The following SLC1A7 variants were observed in gnomAD, a reference collection of about 807,000 sequenced individuals.
SLC1A7 encodes the protein excitatory amino acid transporter 5.
Under a neutral mutation model 47.7 loss-of-function variants are expected in SLC1A7, and 40 were observed. The observed-to-expected ratio is 0.84, with a 90% CI of 0.65 to 1.09. The LOEUF (loss-of-function observed/expected upper bound fraction) is 1.09, where lower values mean the gene tolerates loss of function less well. Ranked by LOEUF, SLC1A7 falls within the 50% of genes least tolerant of loss-of-function variation. The probability of loss-of-function intolerance (pLI) is 0.00; values close to 1 mark genes in which losing one functional copy is unlikely to be tolerated. For missense variants in SLC1A7, 746 were observed against 769.5 expected (o/e 0.97, Z 0.36); for synonymous variants, 323 against 325.6 (o/e 0.99, Z 0.09).
intron 5 of SLC1A7, among the ~76,000 whole-genome samples, chr1:53,096,980 C>T (rs1285224093): frequency 6.7e-6 from 1 of 148,638 alleles, no homozygotes; most frequent in Non-Finnish European, 1.5e-5. Context: ...ACTCACACAC[C>T]CCGCCTCAGT....
chr1:53,109,798 G>C (rs575500095), intron 3 of SLC1A7, among the ~76,000 whole-genome samples: 1 of 152,182 alleles, frequency 6.6e-6, no homozygotes, highest in African/African-American at 2.4e-5. Flanking sequence ...TTGTCCGTCT[G>C]TCCTAAGATG....
In SLC1A7 at chr1:53,114,762, T is replaced by C; in HGVS notation, c.427A>G (p.Ile143Val). The C allele has an allele frequency of 6.2e-7, 1 of 1,613,610 alleles. No individual in the cohort carries two copies. The highest frequency in any genetic ancestry group is 1.1e-5 in the South Asian group (1 of 91,048). Residue 143 changes from isoleucine (I) to valine (V), a missense_variant, in exon 3 of 11, where the codon ATC (isoleucine) becomes GTC (valine). Physicochemically the swap from Ile to Val is conservative, Grantham distance 29. Coordinates refer to ENST00000371494, the MANE Select transcript of SLC1A7 (RefSeq NM_006671.6). ...MSSADALLDLIRNMFPANLVE... is the reference protein window; with the variant it reads ...MSSADALLDLVRNMFPANLVE... ...GGTGTGGGTGGCAATAGTTACCGGA[T>C]GAGGTCCAACAGGGCATCGGCTGAG...
intron 2 of SLC1A7, among the ~76,000 whole-genome samples, chr1:53,123,131 G>A (rs1250603663): frequency 4.6e-5 from 7 of 152,296 alleles, no homozygotes; most frequent in East Asian, 3.9e-4. Context: ...TCAGACTGCC[G>A]GCCATTCTCA....
chr1:53,129,522 C>CAG lies in SLC1A7; in HGVS notation c.215+4827_215+4828insCT, dbSNP rs1246902093. ...CTCAGTTGGACTGAAGCACACATGT[C>CAG]TGAGGAGGGACTTGGGCCAGGGGCT... is the stretch of plus-strand genomic sequence containing the variant. On this transcript the variant is annotated intron_variant, in intron 2 of 10. Coordinates refer to ENST00000371494, the MANE Select transcript of SLC1A7 (RefSeq NM_006671.6). 9.6e-3 allele frequency among the ~76,000 whole-genome samples: 937 copies of CAG among 97,804 alleles called. 1 individual carries two copies. Among genetic ancestry groups the CAG allele is most frequent in the East Asian group, 0.017 (54 of 3,240 alleles). The allele number at this position is 97,804 out of a possible 152,430, so 64.2% of individuals were successfully genotyped here.
chr1:53,134,016 C>T (rs1644966419), intron 2 of SLC1A7, among the ~76,000 whole-genome samples: 1 of 152,140 alleles, frequency 6.6e-6, no homozygotes, highest in South Asian at 2.1e-4. Flanking sequence ...TTCTCTTTTC[C>T]CCAGGCCTTG....
intron 3 of SLC1A7, chr1:53,108,247 G>T: frequency 3.7e-6 from 1 of 268,342 alleles, no homozygotes; most frequent in Non-Finnish European, 7.1e-6. Flanking sequence ...ACTCACTCTT[G>T]TCCTCGGTAA....
Position 53,134,425 on chromosome 1 carries a change from A to G in SLC1A7, c.140T>C (p.Ile47Thr), listed in dbSNP as rs1253611438. The change falls in exon 2 of 11, where the codon ATT becomes ACT. Residue 47 changes from isoleucine (I) to threonine (T), a missense_variant. Transcript: ENST00000371494. ...LRTRRLSPQE[I>T]SYFQFPGELL... ...CTCTCCAGGGAACTGGAAGTAACTA[A>G]TTTCCTGAAAACACAGTAAGAACTG... The G allele has an allele frequency of 6.2e-7, 1 of 1,609,558 alleles. No homozygotes were observed. Among genetic ancestry groups the G allele is most frequent in the Non-Finnish European group, 8.5e-7 (1 of 1,176,562 alleles).
At chr1:53,099,901 C>T (rs1010178119) in intron 5 of SLC1A7, among the ~76,000 whole-genome samples, 1 of 150,104 alleles carries the variant, frequency 6.7e-6, no homozygotes, top group Non-Finnish European at 1.5e-5. Flanking sequence ...TCACACACCC[C>T]AACTCAGTAC....
At chr1:53,139,623 G>T (rs972934493) in intron 1 of SLC1A7, among the ~76,000 whole-genome samples, 1 of 152,176 alleles carries the variant, frequency 6.6e-6, no homozygotes, top group African/African-American at 2.4e-5. Flanking sequence ...GCAGCATCTT[G>T]CTCTGTTACG....
chr1:53,103,362 G>C lies in SLC1A7; in HGVS notation c.681C>G (p.Phe227Leu), dbSNP rs1448566111. The C allele has an allele frequency of 6.2e-7, 1 of 1,604,542 alleles. No individual in the cohort carries two copies. Among genetic ancestry groups the C allele is most frequent in the Non-Finnish European group, 8.5e-7 (1 of 1,176,364 alleles). ...SDGMNVLGIV[F>L]FSATMGIMLG... ...AGCACATACCCATGGTGGCAGAGAAGAAGACGATGCCCAGCACATTCATGC... is the reference window on the plus strand; with the variant it reads ...AGCACATACCCATGGTGGCAGAGAACAAGACGATGCCCAGCACATTCATGC... The change falls in exon 5 of 11, where the codon TTC (phenylalanine) becomes TTG (leucine). Residue 227 changes from phenylalanine (F) to leucine (L), a missense_variant. Phe to Leu is a conservative substitution (Grantham distance 22). Coordinates refer to ENST00000371494, the MANE Select transcript of SLC1A7 (RefSeq NM_006671.6).
intron 2 of SLC1A7, among the ~76,000 whole-genome samples, chr1:53,123,706 C>T (rs867711164): frequency 6.6e-6 from 1 of 152,192 alleles, no homozygotes; most frequent in Non-Finnish European, 1.5e-5. Flanking sequence ...TGGAAGGGAG[C>T]GAGAGCATGG....
At chr1:53,142,259 C>T in intron 1 of SLC1A7, 56 bp downstream of exon 1, 2 of 1,530,120 alleles carry the variant, frequency 1.3e-6, no homozygotes, top group Non-Finnish European at 1.8e-6. Context: ...CCCCAGATCC[C>T]TCAGGCCCAC....
Position 53,096,687 on chromosome 1 carries a change from C to T in SLC1A7, c.698-3127G>A, listed in dbSNP as rs533349132. ...ACACTGCCTCAGTACACACACACAC[C>T]GCCTCAATACACTCACACACAGTGC... On this transcript the variant is annotated intron_variant, in intron 5 of 10. Transcript: ENST00000371494. Among the ~76,000 whole-genome samples the T allele has an allele frequency of 4.2e-3, 639 of 150,492 alleles. 8 individuals are homozygous for T. The highest frequency in any genetic ancestry group is 0.015 in the African/African-American group (599 of 40,890).
intron 2 of SLC1A7, among the ~76,000 whole-genome samples, chr1:53,124,286 ACAC>A (rs1644858290): frequency 6.8e-6 from 1 of 146,834 alleles, no homozygotes; most frequent in African/African-American, 2.6e-5. Flanking sequence ...ACACACACAC[ACAC>A]AACACAGCTT....
At chr1:53,116,510 C>T (rs946579786) in intron 2 of SLC1A7, among the ~76,000 whole-genome samples, 2 of 152,192 alleles carry the variant, frequency 1.3e-5, no homozygotes, top group Admixed American at 6.5e-5. Context: ...TGCCAGGATG[C>T]CATATGTTAG....
intron 2 of SLC1A7, among the ~76,000 whole-genome samples, chr1:53,133,708 A>G (rs931491079): frequency 6.6e-6 from 1 of 152,158 alleles, no homozygotes; most frequent in Non-Finnish European, 1.5e-5. Flanking sequence ...CATGATTTCC[A>G]TGGCCCGCAC....
At chr1:53,136,656 ATATATATATATTTTT>A (rs1255698106) in intron 1 of SLC1A7, among the ~76,000 whole-genome samples, 4 of 49,756 alleles carry the variant, frequency 8.0e-5, no homozygotes, top group Non-Finnish European at 1.4e-4. Flanking sequence ...TATATATTAT[ATATATATATATTTTT>A]TTTTTTTTTT....
At chr1:53,114,664 C>A in intron 3 of SLC1A7, 94 bp downstream of exon 3, 1 of 1,043,510 alleles carries the variant, frequency 9.6e-7, no homozygotes, top group Non-Finnish European at 1.4e-6. Flanking sequence ...CCGTGATCAC[C>A]CCCATCTCCA....
chr1:53,099,835 C>T (rs72907015), intron 5 of SLC1A7, among the ~76,000 whole-genome samples: 5,183 of 151,494 alleles, frequency 0.034, 286 homozygotes, highest in African/African-American at 0.12. Flanking sequence ...CTCACACACC[C>T]TGCCTCAGTA....
Sources: gnomAD v4.1 joint callset for allele counts (sites outside exome capture counted in the v4.1 genomes callset) on GRCh38, gnomAD v4.1.1 for gene constraint, MANE v1.5 for transcripts, NCBI Gene and HGNC (gene_info 2026-07-23, HGNC 2026-07-21) for gene names.